Variants in PPP1R13B observed in about 807,000 individuals in gnomAD.
PPP1R13B encodes protein phosphatase 1 regulatory subunit 13B, also known as apoptosis-stimulating of p53 protein 1.
In PPP1R13B, 44 loss-of-function variants were observed where a neutral mutation model predicts 119.8. The ratio of observed to expected loss-of-function variants is 0.37; its 90% confidence interval spans 0.29 to 0.47. The LOEUF (loss-of-function observed/expected upper bound fraction) is 0.47. Among genes scored for constraint, PPP1R13B ranks in the 20% least tolerant of loss-of-function variants. The pLI, the probability that PPP1R13B is intolerant of heterozygous loss-of-function variation, is 0.99. For synonymous variants in PPP1R13B, 542 were observed against 561.5 expected (o/e 0.97, Z 0.49); for missense variants, 1,227 against 1,413.5 (o/e 0.87, Z 2.12).
In PPP1R13B at chr14:103,745,873, C is replaced by T. The variant is rs571810590; in HGVS notation, c.1150+500G>A. Among the ~76,000 whole-genome samples the T allele has an allele frequency of 6.6e-5, 10 of 152,266 alleles. No homozygotes were observed. The South Asian group carries it at 1.5e-3, about 22-fold the overall frequency. ...TTGCCCAGGCTGAAGCACAGTGGCA[C>T]GATCTCACTGCAACCTCCGCCTCCC... On this transcript the variant is annotated intron_variant, in intron 9 of 16. Transcript: ENST00000202556.
intron 1 of PPP1R13B, among the ~76,000 whole-genome samples, chr14:103,837,934 C>T (rs776150068): frequency 1.3e-5 from 2 of 152,094 alleles, no homozygotes; most frequent in African/African-American, 2.4e-5. Flanking sequence ...GCCTGGACAA[C>T]ATGGTGAAAC....
In PPP1R13B at chr14:103,740,448, G is replaced by A. The variant is rs751388306; in HGVS notation, c.1968C>T (p.Ala656=). Residue 656 remains alanine (A), a synonymous_variant, in exon 12 of 17, where the codon GCC becomes GCT. Coordinates refer to ENST00000202556, the MANE Select transcript of PPP1R13B (RefSeq NM_015316.3). The surrounding 1 kb of genome is among the most constrained non-coding windows in gnomAD (Gnocchi z 4.6). ...TCTCCACGGTGCTGCCATCTGCGGGGGCGGCGGGGCCATCCTGCTCAGGCT... is the reference window on the plus strand; with the variant it reads ...TCTCCACGGTGCTGCCATCTGCGGGAGCGGCGGGGCCATCCTGCTCAGGCT... ...EKEPEQDGPA[A]PADGSTVESL... The A allele has an allele frequency of 1.2e-6, 2 of 1,607,536 alleles. No homozygotes were observed. Among genetic ancestry groups the A allele is most frequent in the East Asian group, 2.2e-5 (1 of 44,710 alleles).
intron 1 of PPP1R13B, chr14:103,818,560 T>G: frequency 1.1e-6 from 1 of 894,454 alleles, no homozygotes; most frequent in African/African-American, 1.8e-5. Context: ...TTCGTCCTCA[T>G]GGCAACCTCA....
In PPP1R13B at chr14:103,739,885, C is replaced by T. The variant is rs35098798; in HGVS notation, c.2531G>A (p.Gly844Glu). ...AGGTGCTGGAGGGACCTGCTCTTCC[C>T]CTGGAGATGGGGCCTCAGCCACAGG... The part of the protein sequence containing the change: ...PSPVAEAPSP[G>E]EEQVPPAPLP... Residue 844 changes from glycine (G) to glutamate (E), a missense_variant, in exon 12 of 17, where the codon GGG (glycine) becomes GAG (glutamate). By Grantham distance (98) the Gly-to-Glu change is moderately conservative (BLOSUM62 -2). Transcript: ENST00000202556. 4,560 of 1,613,842 alleles carry T rather than the reference C, an allele frequency of 2.8e-3. 129 individuals carry two copies. In the African/African-American group the frequency reaches 0.053, roughly 19 times the overall value.
intron 11 of PPP1R13B, among the ~76,000 whole-genome samples, chr14:103,741,494 AAG>A (rs956645979): frequency 6.6e-6 from 1 of 152,218 alleles, no homozygotes; most frequent in Admixed American, 6.5e-5. Context: ...ACAGAAGGAA[AAG>A]AGGAAATTCT....
chr14:103,784,683 A>C, intron 3 of PPP1R13B, 112 bp downstream of exon 3: 2 of 1,006,634 alleles, frequency 2.0e-6, no homozygotes, highest in East Asian at 3.7e-5. Flanking sequence ...CCCTCTAGCC[A>C]CTTGTAAGTG....
chr14:103,750,629 A>C (rs1184417674), intron 7 of PPP1R13B, among the ~76,000 whole-genome samples: 1 of 152,032 alleles, frequency 6.6e-6, no homozygotes, highest in Non-Finnish European at 1.5e-5. Context: ...TCAAGAGTTC[A>C]AGACCAGCCT....
intron 3 of PPP1R13B, among the ~76,000 whole-genome samples, chr14:103,783,420 G>A (rs969612947): frequency 7.3e-5 from 11 of 150,956 alleles, no homozygotes; most frequent in African/African-American, 2.4e-4. Context: ...CCACCACATC[G>A]GGCTAATTTT....
chr14:103,742,182 C>A lies in PPP1R13B; in HGVS notation c.1430G>T (p.Ser477Ile). Residue 477 changes from serine (S) to isoleucine (I), a missense_variant, in exon 11 of 17, where the codon AGC becomes ATC. Physicochemically the swap from Ser to Ile is moderately radical, Grantham distance 142 (BLOSUM62 -2). Coordinates refer to ENST00000202556, the MANE Select transcript of PPP1R13B (RefSeq NM_015316.3). The surrounding 1 kb of genome is among the most constrained non-coding windows in gnomAD (Gnocchi z 4.9). ...SPTPLGPGST[S>I]SLERRKEGSL... The stretch of plus-strand genomic sequence containing the variant: ...GCCTTCCTTCCTCCTTTCCAGGGAG[C>A]TTGTCGACCCAGGACCCAGAGGTGT... 6.2e-7 allele frequency: 1 copy of A among 1,606,726 alleles called. No individual in the cohort carries two copies.
intron 9 of PPP1R13B, among the ~76,000 whole-genome samples, chr14:103,743,339 G>A (rs1413736634): frequency 3.9e-5 from 6 of 152,226 alleles, no homozygotes; most frequent in African/African-American, 1.2e-4. Context: ...CAGGAGGCCC[G>A]TGCAGGTTCC....
At chr14:103,746,809 C>A (rs1184845921) in intron 8 of PPP1R13B, 3 of 307,050 alleles carry the variant, frequency 9.8e-6, no homozygotes, top group African/African-American at 2.2e-5. Flanking sequence ...GGCAGAGCAA[C>A]TTCCCCGTGA....
At chr14:103,798,645 C>A (rs1367984398) in intron 1 of PPP1R13B, among the ~76,000 whole-genome samples, 1 of 152,008 alleles carries the variant, frequency 6.6e-6, no homozygotes, top group Non-Finnish European at 1.5e-5. Context: ...AAATAAATGA[C>A]CCTTAAACAT....
chr14:103,742,574 A>G lies in PPP1R13B; in HGVS notation c.1320+80T>C. Reference sequence around the variant, plus strand: ...ATTAACTTGCCTCCTGACAAGTCATACCCTTTAGCTTAGTACTAAGGCAGA... The same window carrying G: ...ATTAACTTGCCTCCTGACAAGTCATGCCCTTTAGCTTAGTACTAAGGCAGA... On this transcript the variant is annotated intron_variant, in intron 10 of 16. Coordinates refer to ENST00000202556, the MANE Select transcript of PPP1R13B (RefSeq NM_015316.3). This position sits in a 1 kb window ranked among gnomAD's most constrained non-coding sequence, Gnocchi z 4.9. The G allele has an allele frequency of 6.6e-7, 1 of 1,511,114 alleles. No individual in the cohort carries two copies. The highest frequency in any genetic ancestry group is 8.9e-7 in the Non-Finnish European group (1 of 1,123,554). The allele number at this position is 1,511,114 out of a possible 1,614,324, so 93.6% of individuals were successfully genotyped here.
chr14:103,798,289 C>T (rs1159953297), intron 1 of PPP1R13B, among the ~76,000 whole-genome samples: 1 of 151,678 alleles, frequency 6.6e-6, no homozygotes, highest in Non-Finnish European at 1.5e-5. Context: ...GTAGCTGGGA[C>T]TACAGGCGCC....
intron 4 of PPP1R13B, among the ~76,000 whole-genome samples, chr14:103,758,958 C>CTTTTTTT (rs10712106): frequency 6.9e-6 from 1 of 144,810 alleles, no homozygotes; most frequent in African/African-American, 2.5e-5. Flanking sequence ...ATTTAACAGT[C>CTTTTTTT]TTTTTTTTTT....
In PPP1R13B at chr14:103,801,248, C is replaced by T. The variant is rs558667839; in HGVS notation, c.10-3730G>A. On this transcript the variant is annotated intron_variant, in intron 1 of 16. Transcript: ENST00000202556. The stretch of plus-strand genomic sequence containing the variant: ...ACACCAGCCCTTCCCAAAACACCTT[C>T]GCTGGTATATAAGCAGGAGATAGGT... 5.1e-4 allele frequency among the ~76,000 whole-genome samples: 78 copies of T among 152,260 alleles called. No individual in the cohort carries two copies. In the South Asian group the frequency reaches 5.8e-3, roughly 11 times the overall value.
chr14:103,820,060 C>T (rs957542090), intron 1 of PPP1R13B, among the ~76,000 whole-genome samples: 2 of 152,036 alleles, frequency 1.3e-5, no homozygotes, highest in African/African-American at 4.8e-5. Flanking sequence ...TACCTGCCAA[C>T]GGGTACAGAG....
intron 1 of PPP1R13B, among the ~76,000 whole-genome samples, chr14:103,810,661 A>G (rs2086129830): frequency 6.6e-6 from 1 of 151,644 alleles, no homozygotes; most frequent in South Asian, 2.1e-4. Context: ...AGTCCCAGCT[A>G]CTCGGGAGGC....
rs1288974222 is a variant in PPP1R13B, at chr14:103,742,479, C to T, written c.1320+175G>A. 6.6e-6 allele frequency among the ~76,000 whole-genome samples: 1 copy of T among 152,184 alleles called. No homozygotes were observed. The highest frequency in any genetic ancestry group is 1.5e-5 in the Non-Finnish European group (1 of 68,036). ...GTTCTGACCGAAAGGTGTGTGTACT[C>T]GTGGGCTGCTCAGGCTCTTAGGGCC... is the stretch of plus-strand genomic sequence containing the variant. On this transcript the variant is annotated intron_variant, in intron 10 of 16. Coordinates refer to ENST00000202556, the MANE Select transcript of PPP1R13B (RefSeq NM_015316.3). The surrounding 1 kb of genome is among the most constrained non-coding windows in gnomAD (Gnocchi z 4.9).
Sources: gnomAD v4.1 joint callset for allele counts (sites outside exome capture counted in the v4.1 genomes callset) on GRCh38, gnomAD v4.1.1 for gene constraint, Gnocchi (gnomAD v3.1) non-coding constraint, MANE v1.5 for transcripts, NCBI Gene and HGNC (gene_info 2026-07-23, HGNC 2026-07-21) for gene names.